Variants in MID2 observed in about 807,000 individuals in gnomAD.
MID2 encodes probable E3 ubiquitin-protein ligase MID2.
A neutral mutation model predicts 46.1 loss-of-function variants in MID2; 13 were observed. The ratio of observed to expected loss-of-function variants is 0.28; its 90% CI spans 0.18 to 0.45. The LOEUF is 0.45. Among genes scored for constraint, MID2 ranks in the 20% least tolerant of loss-of-function variants. MID2 has a pLI of 1.00. For synonymous variants in MID2, 199 were observed against 212.3 expected (o/e 0.94, Z 0.55); for missense variants, 431 against 575.4 (o/e 0.75, Z 2.57).
intron 3 of MID2, among the ~76,000 whole-genome samples, chrX:107,889,178 T>G (rs1363422486): frequency 1.5e-4 from 17 of 111,567 alleles, no homozygotes; most frequent in African/African-American, 5.2e-4. Context: ...GTTAGCTGGT[T>G]ATTTTGCTCG....
intron 7 of MID2, among the ~76,000 whole-genome samples, chrX:107,920,578 C>T (rs956039134): frequency 1.2e-4 from 13 of 112,025 alleles, no homozygotes; most frequent in African/African-American, 4.2e-4. Context: ...CTCTCTACCA[C>T]ACATTTACAC....
intron 3 of MID2, among the ~76,000 whole-genome samples, chrX:107,887,357 T>A (rs1403516517): frequency 8.9e-6 from 1 of 112,045 alleles, no homozygotes; most frequent in Non-Finnish European, 1.9e-5. Flanking sequence ...TTGTCAAAGG[T>A]CTTTTCTGCA....
At position 107,841,368 on chromosome X, in the gene MID2, C is replaced by T; in HGVS notation, c.703C>T (p.Arg235Ter). 1 of 1,192,345 alleles carries T rather than the reference C, an allele frequency of 8.4e-7. No individual in the cohort carries two copies. The highest frequency in any genetic ancestry group is 1.1e-6 in the Non-Finnish European group (1 of 883,472). ...CCATCAGGTCGCATCCCTGAATGAT[C>T]GATTTGAGAAACTCAAGGTAAGGGA... ...RDHQVASLND[R>*]FEKLKQTLEM... is the part of the protein sequence containing the mutation. The change falls in exon 2 of 10, where the codon CGA becomes TGA. Residue 235 changes from arginine to a stop codon, truncating the protein, a stop_gained. Coordinates refer to ENST00000262843, the MANE Select transcript of MID2 (RefSeq NM_012216.4). LOFTEE classifies it high-confidence loss of function.
chrX:107,871,295 G>T (rs1380008932), intron 3 of MID2, among the ~76,000 whole-genome samples: 1 of 111,819 alleles, frequency 8.9e-6, no homozygotes, highest in East Asian at 2.8e-4. Context: ...AGCAGGGGCA[G>T]ACTCCACTTG....
At chrX:107,837,191 T>G (rs1931227610) in intron 1 of MID2, among the ~76,000 whole-genome samples, 1 of 112,181 alleles carries the variant, frequency 8.9e-6, no homozygotes, top group African/African-American at 3.2e-5. Flanking sequence ...AAATTTTAGA[T>G]TTCCAAACAA....
At chrX:107,887,300 C>G (rs145144797) in intron 3 of MID2, among the ~76,000 whole-genome samples, 1,198 of 111,899 alleles carry the variant, frequency 0.011, 24 homozygotes, top group African/African-American at 0.038. Context: ...TACGTCCAAT[C>G]AATGCCTAAT....
rs144208093 is a variant in MID2 at position 107,866,070 on chromosome X, C to T, written c.816+11366C>T. ...GAAACAATTACACGATGCCAGTTTA[C>T]TCTATAGTGCACATATAATGAAACT... On this transcript the variant is annotated intron_variant, in intron 3 of 9. Coordinates refer to ENST00000262843, the MANE Select transcript of MID2 (RefSeq NM_012216.4). 6.0e-3 allele frequency among the ~76,000 whole-genome samples: 675 copies of T among 112,175 alleles called. 5 individuals are homozygous for T. Among genetic ancestry groups the T allele is most frequent in the African/African-American group, 0.018 (561 of 30,889 alleles).
chrX:107,836,032 T>C (rs1403200969), intron 1 of MID2, among the ~76,000 whole-genome samples: 2 of 112,015 alleles, frequency 1.8e-5, no homozygotes, highest in African/African-American at 3.2e-5. Flanking sequence ...TGAGTTAATT[T>C]TTATAAATGA....
intron 3 of MID2, among the ~76,000 whole-genome samples, chrX:107,871,346 G>T (rs762161177): frequency 2.7e-5 from 3 of 111,200 alleles, no homozygotes; most frequent in African/African-American, 6.6e-5. Flanking sequence ...GAGGGGGAGC[G>T]CAGGTGAGCA....
chrX:107,833,863 G>A (rs1478103062), intron 1 of MID2, among the ~76,000 whole-genome samples: 3 of 110,994 alleles, frequency 2.7e-5, no homozygotes, highest in East Asian at 2.8e-4. Flanking sequence ...GCACAATTAC[G>A]GCTTACTGCA....
chrX:107,867,395 T>C (rs1052300814), intron 3 of MID2, among the ~76,000 whole-genome samples: 1 of 108,929 alleles, frequency 9.2e-6, no homozygotes, highest in African/African-American at 3.4e-5. Context: ...TCTCCTGACC[T>C]TGTGATCCGC....
rs145359982 is a variant in MID2, at chrX:107,927,002, C to G, written c.2137C>G (p.Pro713Ala). 21 of 1,208,683 alleles carry G rather than the reference C, an allele frequency of 1.7e-5. No homozygotes were observed. The highest frequency in any genetic ancestry group is 2.2e-5 in the Non-Finnish European group (20 of 894,409). Reference sequence around the variant, plus strand: ...GCCTGCCCCAGATTTTATTGATTACCCTGAGCGGCAGGAATGCAACTGCAG... The same window carrying G: ...GCCTGCCCCAGATTTTATTGATTACGCTGAGCGGCAGGAATGCAACTGCAG... ...GLPAPDFIDY[P>A]ERQECNCRPQ... The change falls in exon 10 of 10, where the codon CCT becomes GCT. Residue 713 changes from proline (P) to alanine (A), a missense_variant. By Grantham distance (27) the Pro-to-Ala change is conservative. Coordinates refer to ENST00000262843, the MANE Select transcript of MID2 (RefSeq NM_012216.4).
At chrX:107,838,109 T>G (rs1273550426) in intron 1 of MID2, among the ~76,000 whole-genome samples, 2 of 112,073 alleles carry the variant, frequency 1.8e-5, no homozygotes, top group African/African-American at 6.5e-5. Context: ...AGATGAGAGA[T>G]CTCTTAGATT....
intron 3 of MID2, among the ~76,000 whole-genome samples, chrX:107,856,371 G>T (rs776737358): frequency 1.8e-5 from 2 of 111,999 alleles, no homozygotes; most frequent in Non-Finnish European, 3.8e-5. Context: ...GAATTTGCAT[G>T]ATTGAATATA....
intron 4 of MID2, 61 bp from the exon 5 acceptor site, chrX:107,905,417 T>C: frequency 3.1e-6 from 3 of 957,014 alleles, no homozygotes; most frequent in Non-Finnish European, 4.4e-6. Flanking sequence ...TTGTTTTTTA[T>C]TGTTTTTAAT....
chrX:107,885,584 G>A (rs368164291), intron 3 of MID2, among the ~76,000 whole-genome samples: 2 of 111,190 alleles, frequency 1.8e-5, no homozygotes, highest in African/African-American at 6.5e-5. Context: ...ATAAACATAC[G>A]TGTGCTCGTG....
At chrX:107,908,380 T>A (rs1336879077) in intron 5 of MID2, among the ~76,000 whole-genome samples, 1 of 111,778 alleles carries the variant, frequency 8.9e-6, no homozygotes, top group Non-Finnish European at 1.9e-5. Flanking sequence ...TGTTTTGCAG[T>A]CTTTTTATTT....
chrX:107,902,223 T>G (rs1352995168), intron 3 of MID2, among the ~76,000 whole-genome samples: 1 of 111,871 alleles, frequency 8.9e-6, no homozygotes, highest in Non-Finnish European at 1.9e-5. Flanking sequence ...GTAAACTAAT[T>G]AGAGCAATGC....
intron 3 of MID2, among the ~76,000 whole-genome samples, chrX:107,892,480 C>T (rs1390378966): frequency 1.8e-5 from 2 of 111,884 alleles, no homozygotes; most frequent in African/African-American, 6.5e-5. Context: ...ATGGCCATGC[C>T]ACAATCATTT....
Sources: gnomAD v4.1 joint callset for allele counts (sites outside exome capture counted in the v4.1 genomes callset) on GRCh38, gnomAD v4.1.1 for gene constraint, MANE v1.5 for transcripts, NCBI Gene and HGNC (gene_info 2026-07-23, HGNC 2026-07-21) for gene names.